FGD2: variants seen among roughly 807,000 people sequenced by gnomAD.
The protein encoded by FGD2 is FYVE, RhoGEF and PH domain-containing protein 2.
In FGD2, 52 loss-of-function variants were observed where a neutral mutation model predicts 75.9. The observed-to-expected ratio is 0.69, with a 90% confidence interval of 0.55 to 0.86. FGD2 has a LOEUF of 0.86. Ranked by LOEUF, FGD2 falls within the 40% of genes least tolerant of loss-of-function variation. The probability of loss-of-function intolerance (pLI) is 0.00; values close to 1 mark genes in which losing one functional copy is unlikely to be tolerated. For missense variants in FGD2, 790 were observed against 872.0 expected, an observed-to-expected ratio of 0.91 and a Z score of 1.18; for synonymous variants, 347 against 348.6, an observed-to-expected ratio of 1.00 and a Z score of 0.05.
Position 37,025,847 on chromosome 6 carries a change from G to A in FGD2, c.1514G>A (p.Arg505Lys), listed in dbSNP as rs765617865. The A allele has an allele frequency of 4.8e-5, 78 of 1,614,038 alleles. 1 individual carries two copies. In the South Asian group the frequency reaches 8.2e-4, roughly 17 times the overall value. ...GCCGAACTGAAATACGACGACAACA[G>A]GCCCAACCGAGTCTGCCTCCACTGC... is the stretch of plus-strand genomic sequence containing the variant. ...YRAELKYDDN[R>K]PNRVCLHCYA... The change falls in exon 14 of 16, where the codon AGG becomes AAG. Residue 505 changes from arginine to lysine, a missense_variant. Physicochemically the swap from Arg to Lys is conservative, Grantham distance 26. Transcript: ENST00000274963.
rs1196381025 is a variant in FGD2, at chr6:37,021,590, A to T, written c.1312A>T (p.Ile438Phe). 1 of 1,613,930 alleles carries T rather than the reference A, an allele frequency of 6.2e-7. No individual in the cohort carries two copies. The highest frequency in any genetic ancestry group is 1.1e-5 in the South Asian group (1 of 91,024). The change falls in exon 12 of 16, where the codon ATC (isoleucine) becomes TTC (phenylalanine). Residue 438 changes from isoleucine to phenylalanine, a missense_variant. Coordinates refer to ENST00000274963, the MANE Select transcript of FGD2 (RefSeq NM_173558.4). ...KAAAQGPEGD[I>F]QEQELQSEEL... ...TGCGGCCCAGGGGCCTGAGGGAGAC[A>T]TCCAGGAGCAGGAGGTAAATGAAGG...
At chr6:37,025,665 C>A (rs760065976) in intron 13 of FGD2, 127 bp from the exon 14 acceptor site, 5 of 981,026 alleles carry the variant, frequency 5.1e-6, no homozygotes, top group Non-Finnish European at 7.8e-6. Flanking sequence ...CTCTATTCCT[C>A]CCTCGAAGCT....
chr6:37,013,729 G>A lies in FGD2; in HGVS notation c.648G>A (p.Lys216=). Residue 216 remains lysine, a synonymous_variant, in exon 5 of 16, where the codon AAG becomes AAA. Coordinates refer to ENST00000274963, the MANE Select transcript of FGD2 (RefSeq NM_173558.4). ...AAELLATWTD[K]SPLFQEVLTR... is the part of the protein sequence containing the mutation. ...AGCTGCTGGCCACCTGGACCGACAAGTCTCCACTCTTCCAGGAGGTTCTCA... is the reference window on the plus strand; with the variant it reads ...AGCTGCTGGCCACCTGGACCGACAAATCTCCACTCTTCCAGGAGGTTCTCA... 6.2e-7 allele frequency: 1 copy of A among 1,614,072 alleles called. No homozygotes were observed. Among genetic ancestry groups the A allele is most frequent in the East Asian group, 2.2e-5 (1 of 44,880 alleles).
At position 37,027,964 on chromosome 6, in the gene FGD2, C is replaced by T. The variant is rs764242468; in HGVS notation, c.1769C>T (p.Thr590Ile). The part of the protein sequence containing the change: ...YAAPQDMRAH[T>I]SIPLLGYQVT... ...TCCCCCCAGGACATGAGGGCTCACA[C>T]CTCCATCCCCCTGCTGGGCTACCAG... Residue 590 changes from threonine to isoleucine, a missense_variant, in exon 16 of 16, where the codon ACC becomes ATC. Thr to Ile is a moderately conservative substitution (Grantham distance 89). Transcript: ENST00000274963. 2 of 1,614,028 alleles carry T rather than the reference C, an allele frequency of 1.2e-6. No homozygotes were observed. Among genetic ancestry groups the T allele is most frequent in the East Asian group, 2.2e-5 (1 of 44,878 alleles).
chr6:37,023,818 C>T (rs1376017801), intron 13 of FGD2: 1 of 152,206 alleles, frequency 6.6e-6, no homozygotes, highest in Non-Finnish European at 1.5e-5. Context: ...TTGATTCACA[C>T]TTGTGAGTGA....
intron 1 of FGD2, among the ~76,000 whole-genome samples, 155 bp downstream of exon 1, chr6:37,006,040 T>C (rs1583285540): frequency 6.6e-6 from 1 of 152,026 alleles, no homozygotes; most frequent in South Asian, 2.1e-4. Context: ...CATGGGAGAG[T>C]GTCGGTGGGA....
At chr6:37,026,510 T>G (rs1177334642) in intron 14 of FGD2, among the ~76,000 whole-genome samples, 1 of 151,676 alleles carries the variant, frequency 6.6e-6, no homozygotes, top group African/African-American at 2.4e-5. Flanking sequence ...TGAGCCACAC[T>G]TGCCCCCACA....
intron 1 of FGD2, among the ~76,000 whole-genome samples, chr6:37,007,751 G>A (rs558110630): frequency 6.6e-6 from 1 of 152,278 alleles, no homozygotes; most frequent in East Asian, 1.9e-4. Flanking sequence ...ACCAAATGTA[G>A]AACAGAAAGC....
chr6:37,028,267 T>G lies in FGD2; in HGVS notation c.*104T>G, dbSNP rs927367724. The G allele has an allele frequency of 1.8e-5, 21 of 1,157,914 alleles. No homozygotes were observed. The African/African-American group carries it at 2.5e-4, about 14-fold the overall frequency. The allele number at this position is 1,157,914 out of a possible 1,614,324, so 71.7% of individuals were successfully genotyped here. A position where few individuals can be genotyped will look rare whatever the true frequency, so the allele number is the denominator to read the frequency against. On this transcript the variant is annotated 3_prime_UTR_variant, in exon 16 of 16. Coordinates refer to ENST00000274963, the MANE Select transcript of FGD2 (RefSeq NM_173558.4). Reference sequence around the variant, plus strand: ...GTGACCCACTGCCCCAAGTGGTGCTTTCAGAGAATTGATTCAGCCATCTGC... The same window carrying G: ...GTGACCCACTGCCCCAAGTGGTGCTGTCAGAGAATTGATTCAGCCATCTGC...
chr6:37,026,081 C>T, intron 14 of FGD2, 143 bp downstream of exon 14: 1 of 1,461,992 alleles, frequency 6.8e-7, no homozygotes, highest in Non-Finnish European at 9.0e-7. Context: ...CTTCCTCTCT[C>T]TGCCCACAGA....
rs1764875676 is a variant in FGD2, at chr6:37,008,905, A to G, written c.140A>G (p.Glu47Gly). The change falls in exon 2 of 16, where the codon GAG (glutamate) becomes GGG (glycine). Residue 47 changes from glutamate (E) to glycine (G), a missense_variant. Transcript: ENST00000274963. ...CACCGCCCTGAGTGCAGGCCTCCCG[A>G]GTCCCCAGGACCACGGGAGAAGACG... The part of the protein sequence containing the change: ...VHHRPECRPP[E>G]SPGPREKTNV... 1.2e-6 allele frequency: 2 copies of G among 1,614,078 alleles called. No homozygotes were observed. The highest frequency in any genetic ancestry group is 2.2e-5 in the South Asian group (2 of 91,092).
chr6:37,022,041 C>T, intron 12 of FGD2, 198 bp from the exon 13 acceptor site: 1 of 708,532 alleles, frequency 1.4e-6, no homozygotes, highest in Non-Finnish European at 2.2e-6. Flanking sequence ...AGTTTCCTCA[C>T]TTATACAATA....
rs775247903 is a variant in FGD2, at chr6:37,021,580, T to A, written c.1302T>A (p.Pro434=). ...CCTTCAAGGCTGCGGCCCAGGGGCCTGAGGGAGACATCCAGGAGCAGGAGG... is the reference window on the plus strand; with the variant it reads ...CCTTCAAGGCTGCGGCCCAGGGGCCAGAGGGAGACATCCAGGAGCAGGAGG... The part of the protein sequence containing the change: ...NETFKAAAQG[P]EGDIQEQELQ... Residue 434 remains proline, a synonymous_variant, in exon 12 of 16, where the codon CCT becomes CCA. Coordinates refer to ENST00000274963, the MANE Select transcript of FGD2 (RefSeq NM_173558.4). 6.2e-7 allele frequency: 1 copy of A among 1,613,952 alleles called. No homozygotes were observed. Among genetic ancestry groups the A allele is most frequent in the Non-Finnish European group, 8.5e-7 (1 of 1,179,894 alleles).
chr6:37,014,765 C>T, intron 7 of FGD2, 61 bp downstream of exon 7: 1 of 1,610,854 alleles, frequency 6.2e-7, no homozygotes, highest in South Asian at 1.1e-5. Context: ...AGCCTGGTCC[C>T]ACCCATGACA....
At chr6:37,008,031 C>A (rs78826577) in intron 1 of FGD2, among the ~76,000 whole-genome samples, 10 of 152,216 alleles carry the variant, frequency 6.6e-5, no homozygotes, top group African/African-American at 2.4e-4. Flanking sequence ...ACTTCCGAGC[C>A]GCATGTTACT....
rs555971241 is a variant in FGD2 at position 37,025,956 on chromosome 6, C to T, written c.1605+18C>T. 8.6e-5 allele frequency: 139 copies of T among 1,613,264 alleles called. No homozygotes were observed. The highest frequency in any genetic ancestry group is 8.5e-4 in the South Asian group (77 of 91,028). On this transcript the variant is annotated intron_variant, in intron 14 of 15. Transcript: ENST00000274963. ...TCCTGGAGGTGAGGGCCACTGTCCC[C>T]GCGCTCACCATCCGTCCTCTGTTCA...
chr6:37,011,014 G>C lies in FGD2; in HGVS notation c.342G>C (p.Glu114Asp). The change falls in exon 3 of 16, where the codon GAG becomes GAC. Residue 114 changes from glutamate (E) to aspartate (D), a missense_variant. Transcript: ENST00000274963. ...TCGTCCAGGAGCTGCTGGAGACAGA[G>C]CAGGCCTATGTGGCGCGCCTCCACC... ...KKIVQELLET[E>D]QAYVARLHLL... 1 of 1,614,102 alleles carries C rather than the reference G, an allele frequency of 6.2e-7. No homozygotes were observed. Among genetic ancestry groups the C allele is most frequent in the Non-Finnish European group, 8.5e-7 (1 of 1,180,008 alleles).
chr6:37,011,899 G>A, intron 4 of FGD2, 45 bp downstream of exon 4: 2 of 1,596,528 alleles, frequency 1.3e-6, no homozygotes, highest in Non-Finnish European at 1.7e-6. Flanking sequence ...CACAGCCCTG[G>A]CCAGGTGGAG....
Position 37,013,461 on chromosome 6 carries a change from G to A in FGD2, c.528-148G>A, listed in dbSNP as rs6909927. 0.013 allele frequency: 18,141 copies of A among 1,438,586 alleles called. 959 individuals carry two copies. In the East Asian group the frequency reaches 0.2, roughly 16 times the overall value. The allele number at this position is 1,438,586 out of a possible 1,614,324, so 89.1% of individuals were successfully genotyped here. A position where few individuals can be genotyped will look rare whatever the true frequency, so the allele number is the denominator to read the frequency against. On this transcript the variant is annotated intron_variant, in intron 4 of 15. Coordinates refer to ENST00000274963, the MANE Select transcript of FGD2 (RefSeq NM_173558.4). ...GTCTAAGGAGTAGAGGGGCGCATGTGAGGATGACACCCCCGTACCCCGCCC... is the reference window on the plus strand; with the variant it reads ...GTCTAAGGAGTAGAGGGGCGCATGTAAGGATGACACCCCCGTACCCCGCCC...
Sources: allele counts gnomAD v4.1 joint callset (sites outside exome capture counted in the v4.1 genomes callset), GRCh38; gene constraint gnomAD v4.1.1; transcripts MANE v1.5; gene names NCBI Gene and HGNC (gene_info 2026-07-23, HGNC 2026-07-21).